Variants in CRMP1 observed in about 807,000 individuals in gnomAD.
CRMP1 encodes the protein collapsin response mediator protein 1.
In CRMP1, 19 loss-of-function variants were observed where a neutral mutation model predicts 68.3. That is an observed-to-expected ratio of 0.28 (90% CI 0.19 to 0.41). The LOEUF is 0.41. Ranked by LOEUF, CRMP1 falls within the 10% of genes least tolerant of loss-of-function variation. CRMP1 has a pLI of 1.00. For missense variants in CRMP1, 791 were observed against 967.4 expected (o/e 0.82, Z 2.42); for synonymous variants, 439 against 399.6 (o/e 1.10, Z -1.18).
rs75716997 is a variant in CRMP1 at position 5,841,566 on chromosome 4, G to A, written c.1033-138C>T. ...AGAAGGACATACTGAGTCCAACAGC[G>A]CTTGACAGTGCCCCCTGCTCTCCGG... is the stretch of plus-strand genomic sequence containing the variant. On this transcript the variant is annotated intron_variant, in intron 7 of 13. Coordinates refer to ENST00000324989, the MANE Select transcript of CRMP1 (RefSeq NM_001014809.3). The surrounding 1 kb of genome is among the most constrained non-coding windows in gnomAD (Gnocchi z 6.9). 1.1e-3 allele frequency: 1,407 copies of A among 1,328,646 alleles called. 8 individuals carry two copies. The African/African-American group carries it at 0.018, about 17-fold the overall frequency. The allele number at this position is 1,328,646 out of a possible 1,614,324, so 82.3% of individuals were successfully genotyped here.
chr4:5,828,337 G>C, intron 12 of CRMP1, 152 bp downstream of exon 12: 5 of 1,425,610 alleles, frequency 3.5e-6, no homozygotes, highest in Non-Finnish European at 3.7e-6. Flanking sequence ...CAGGAGCCCA[G>C]GCCAGCGTCT....
At chr4:5,857,085 C>G (rs909619982) in intron 3 of CRMP1, among the ~76,000 whole-genome samples, 3 of 127,446 alleles carry the variant, frequency 2.4e-5, no homozygotes, top group Admixed American at 7.7e-5. Context: ...CCACCACCAC[C>G]ATTATCACTA....
chr4:5,887,564 T>C, intron 1 of CRMP1: 3 of 985,300 alleles, frequency 3.0e-6, no homozygotes, highest in Non-Finnish European at 3.6e-6. Flanking sequence ...GCAGCCCGGC[T>C]GTTCTGCCTC....
Position 5,821,829 on chromosome 4 carries a change from A to ATTG in CRMP1, c.1989_1991dup (p.Asn664dup). 6.3e-7 allele frequency: 1 copy of ATTG among 1,597,902 alleles called. No individual in the cohort carries two copies. Among genetic ancestry groups the ATTG allele is most frequent in the Middle Eastern group, 1.7e-4 (1 of 6,032 alleles). On this transcript the variant is annotated inframe_insertion, in exon 14 of 14. Coordinates refer to ENST00000324989, the MANE Select transcript of CRMP1 (RefSeq NM_001014809.3). The surrounding 1 kb of genome is among the most constrained non-coding windows in gnomAD (Gnocchi z 4.4). ...CGATGCGGTGGCCGGTGCGCCTGGG[A>ATTG]TTGTTGTCATCTATCTGGGCACCTG...
At position 5,889,379 on chromosome 4, in the gene CRMP1, C is replaced by G. The variant is rs1715835896; in HGVS notation, c.381+3210G>C. Among the ~76,000 whole-genome samples, 1 of 152,190 alleles carries G rather than the reference C, an allele frequency of 6.6e-6. No individual in the cohort carries two copies. Among genetic ancestry groups the G allele is most frequent in the Non-Finnish European group, 1.5e-5 (1 of 68,040 alleles). On this transcript the variant is annotated intron_variant, in intron 1 of 13. Transcript: ENST00000324989. This position sits in a 1 kb window ranked among gnomAD's most constrained non-coding sequence, Gnocchi z 4.5. The stretch of plus-strand genomic sequence containing the variant: ...ACCAAGGTCTCCACAGCCCTGGGGA[C>G]AAGCTGGGGGTCAGGAGGAGGACTA...
intron 13 of CRMP1, among the ~76,000 whole-genome samples, chr4:5,822,722 G>C (rs1330583991): frequency 1.3e-5 from 2 of 152,186 alleles, no homozygotes; most frequent in African/African-American, 4.8e-5. Flanking sequence ...CGGCGGAACT[G>C]AGGAAAATCA....
intron 1 of CRMP1, chr4:5,887,452 C>A (rs916831707): frequency 1.1e-4 from 107 of 985,426 alleles, no homozygotes; most frequent in Non-Finnish European, 1.2e-4. Flanking sequence ...CAGGCAGGAA[C>A]TGGGGCGGAG....
intron 3 of CRMP1, among the ~76,000 whole-genome samples, chr4:5,857,755 C>T (rs1015011948): frequency 6.6e-6 from 1 of 152,078 alleles, no homozygotes; most frequent in African/African-American, 2.4e-5. Context: ...GAACTCTTAC[C>T]CACTGCTCCA....
At chr4:5,871,592 G>T (rs961750936) in intron 1 of CRMP1, among the ~76,000 whole-genome samples, 1 of 152,120 alleles carries the variant, frequency 6.6e-6, no homozygotes, top group Non-Finnish European at 1.5e-5. Context: ...CAAGGGAGAA[G>T]GAGGTTGCAG....
At position 5,841,214 on chromosome 4, in the gene CRMP1, C is replaced by T; in HGVS notation, c.1153+94G>A. On this transcript the variant is annotated intron_variant, in intron 8 of 13. Coordinates refer to ENST00000324989, the MANE Select transcript of CRMP1 (RefSeq NM_001014809.3). The surrounding 1 kb of genome is among the most constrained non-coding windows in gnomAD (Gnocchi z 6.9). Reference sequence around the variant, plus strand: ...GCTCCACCCCTCCCTCCTCCGGCTGCCTGTCTGAGTTCGGGAGGGAGTGAA... The same window carrying T: ...GCTCCACCCCTCCCTCCTCCGGCTGTCTGTCTGAGTTCGGGAGGGAGTGAA... The T allele has an allele frequency of 6.3e-7, 1 of 1,595,104 alleles. No homozygotes were observed.
intron 1 of CRMP1, among the ~76,000 whole-genome samples, chr4:5,868,267 A>ATATATC (rs1714151488): frequency 6.0e-5 from 1 of 16,768 alleles, no homozygotes; most frequent in African/African-American, 1.9e-4. Context: ...ATATCTATAT[A>ATATATC]TATATATATA....
At position 5,888,630 on chromosome 4, in the gene CRMP1, C is replaced by A. The variant is rs1715781978; in HGVS notation, c.381+3959G>T. ...CCCTTCCGATCTCCCACCCCGCCCCCCGCCCCCCACCCGCCCAGCCCCGCC... is the reference window on the plus strand; with the variant it reads ...CCCTTCCGATCTCCCACCCCGCCCCACGCCCCCCACCCGCCCAGCCCCGCC... On this transcript the variant is annotated intron_variant, in intron 1 of 13. Transcript: ENST00000324989. The surrounding 1 kb of genome is among the most constrained non-coding windows in gnomAD (Gnocchi z 6.4). 6.7e-6 allele frequency: 6 copies of A among 902,042 alleles called. No individual in the cohort carries two copies. Among genetic ancestry groups the A allele is most frequent in the Non-Finnish European group, 8.0e-6 (6 of 749,978 alleles). The allele number at this position is 902,042 out of a possible 1,614,324, so 55.9% of individuals were successfully genotyped here.
chr4:5,835,224 A>G (rs910436677), intron 11 of CRMP1, among the ~76,000 whole-genome samples: 1 of 152,078 alleles, frequency 6.6e-6, no homozygotes, highest in Non-Finnish European at 1.5e-5. Context: ...ACCAGGGACC[A>G]CTGTGGCCTC....
At position 5,821,921 on chromosome 4, in the gene CRMP1, A is replaced by G. The variant is rs1718647446; in HGVS notation, c.1970-70T>C. ...CAGTTCCACGCTGCTCCTGGAGGCC[A>G]TGTACTCTGCCATGCACTCCACTGG... On this transcript the variant is annotated intron_variant, in intron 13 of 13. Transcript: ENST00000324989. This position sits in a 1 kb window ranked among gnomAD's most constrained non-coding sequence, Gnocchi z 4.4. The G allele has an allele frequency of 4.1e-6, 5 of 1,229,058 alleles. No homozygotes were observed. In the East Asian group the frequency reaches 9.7e-5, roughly 24 times the overall value. 76.1% of individuals were successfully genotyped at this position (1,229,058 alleles called of 1,614,324 possible).
At position 5,835,992 on chromosome 4, in the gene CRMP1, C is replaced by T; in HGVS notation, c.1546G>A (p.Ala516Thr). 1.9e-6 allele frequency: 3 copies of T among 1,605,962 alleles called. No homozygotes were observed. Among genetic ancestry groups the T allele is most frequent in the Non-Finnish European group, 2.6e-6 (3 of 1,176,088 alleles). ...ACCACGTCGGCATCCGAGCCCACGG[C>T]AATCCGCCCTTTCCTTGGGTACAGG... ...FNLYPRKGRI[A>T]VGSDADVVIW... The change falls in exon 11 of 14, where the codon GCC (alanine) becomes ACC (threonine). Residue 516 changes from alanine (A) to threonine (T), a missense_variant. Physicochemically the swap from Ala to Thr is moderately conservative, Grantham distance 58. Coordinates refer to ENST00000324989, the MANE Select transcript of CRMP1 (RefSeq NM_001014809.3).
rs1242065430 is a variant in CRMP1 at position 5,854,058 on chromosome 4, G to C, written c.820+2085C>G. Reference sequence around the variant, plus strand: ...AGTGTCTTTCCCTACAAACTCCACTGCCACTCCAGAGACCCTCCCATCTCA... The same window carrying C: ...AGTGTCTTTCCCTACAAACTCCACTCCCACTCCAGAGACCCTCCCATCTCA... On this transcript the variant is annotated intron_variant, in intron 4 of 13. Transcript: ENST00000324989. This position sits in a 1 kb window ranked among gnomAD's most constrained non-coding sequence, Gnocchi z 4.0. Among the ~76,000 whole-genome samples the C allele has an allele frequency of 7.2e-5, 11 of 152,196 alleles. No individual in the cohort carries two copies. The highest frequency in any genetic ancestry group is 7.2e-4 in the Admixed American group (11 of 15,274).
rs1051895255 is a variant in CRMP1 at position 5,842,610 on chromosome 4, ACACACACT to A, written c.1032+475_1032+482del. ...CTCACACACTCTCTCACACACACAC[ACACACACT>A]CACTCACACACACACACACGCACTG... On this transcript the variant is annotated intron_variant, in intron 7 of 13. Transcript: ENST00000324989. This position sits in a 1 kb window ranked among gnomAD's most constrained non-coding sequence, Gnocchi z 4.5. 1.3e-5 allele frequency among the ~76,000 whole-genome samples: 2 copies of A among 150,280 alleles called. No individual in the cohort carries two copies. The highest frequency in any genetic ancestry group is 3.0e-5 in the Non-Finnish European group (2 of 67,582).
chr4:5,856,861 CCAT>C (rs1271924502), intron 3 of CRMP1, among the ~76,000 whole-genome samples: 1 of 149,274 alleles, frequency 6.7e-6, no homozygotes, highest in Non-Finnish European at 1.5e-5. Flanking sequence ...TGTCACCCCA[CCAT>C]CATCACCATC....
chr4:5,868,261 C>CTATATATCTATATA (rs1714141585), intron 1 of CRMP1, among the ~76,000 whole-genome samples: 6 of 111,460 alleles, frequency 5.4e-5, no homozygotes, highest in Admixed American at 3.0e-4. Context: ...GACTATATAT[C>CTATATATCTATATA]TATATATATA....
Sources: gnomAD v4.1 joint callset for allele counts (sites outside exome capture counted in the v4.1 genomes callset) on GRCh38, gnomAD v4.1.1 for gene constraint, Gnocchi (gnomAD v3.1) non-coding constraint, MANE v1.5 for transcripts, NCBI Gene and HGNC (gene_info 2026-07-23, HGNC 2026-07-21) for gene names.